The following RTCB variants were observed in gnomAD, a reference collection of about 807,000 sequenced individuals.
RTCB encodes the protein RNA 2',3'-cyclic phosphate and 5'-OH ligase.
RTCB carries 32 observed loss-of-function variants against 58.2 expected under a neutral mutation model. The observed-to-expected ratio is 0.55, with a 90% CI of 0.41 to 0.74. RTCB has a LOEUF of 0.74. RTCB is among the 30% of genes least tolerant of loss of function. The pLI is 0.00. For synonymous variants in RTCB, 247 were observed against 218.6 expected (o/e 1.13, Z -1.15); for missense variants, 523 against 639.0 (o/e 0.82, Z 1.96).
intron 9 of RTCB, 55 bp downstream of exon 9, chr22:32,394,971 C>A: frequency 6.9e-7 from 1 of 1,452,440 alleles, no homozygotes; most frequent in Non-Finnish European, 9.4e-7. Context: ...TTCACATTTG[C>A]AACAATCTAA....
chr22:32,394,936 T>C, intron 9 of RTCB, 90 bp downstream of exon 9: 3 of 1,140,362 alleles, frequency 2.6e-6, no homozygotes, highest in Non-Finnish European at 3.8e-6. Flanking sequence ...CTTTTCACAA[T>C]TGCTGCTTTT....
Position 32,395,228 on chromosome 22 carries a change from CA to C in RTCB, c.991-15del. On this transcript the variant is annotated splice_polypyrimidine_tract_variant and intron_variant, in intron 8 of 11. Transcript: ENST00000216038. ...CTTGGCGAAAGCCTAGGAGAAAACA[CA>C]GAAGATAAAAGCAGCCAGAACTTCA... 1 of 1,611,522 alleles carries C rather than the reference CA, an allele frequency of 6.2e-7. No homozygotes were observed.
Position 32,408,207 on chromosome 22 carries a change from C to T in RTCB, c.208G>A (p.Gly70Ser), listed in dbSNP as rs1449175119. ...GGFLPAMKQIGNVAALPGIVH... is the reference protein window; with the variant it reads ...GGFLPAMKQISNVAALPGIVH... ...ATTCCAGGCAGGGCTGCCACATTGC[C>T]AATCTGTTTCATGGCTGGCAGGAAG... Residue 70 changes from glycine to serine, a missense_variant, in exon 3 of 12, where the codon GGC (glycine) becomes AGC (serine). By Grantham distance (56) the Gly-to-Ser change is moderately conservative. Transcript: ENST00000216038. 16 of 1,614,102 alleles carry T rather than the reference C, an allele frequency of 9.9e-6. No homozygotes were observed. The highest frequency in any genetic ancestry group is 1.3e-5 in the Non-Finnish European group (15 of 1,179,992).
intron 4 of RTCB, among the ~76,000 whole-genome samples, chr22:32,402,992 GCC>G (rs1933362990): frequency 6.6e-6 from 1 of 152,028 alleles, no homozygotes; most frequent in Admixed American, 6.6e-5. Context: ...TGATCCTCCT[GCC>G]TCGGCCTCCC....
intron 5 of RTCB, among the ~76,000 whole-genome samples, chr22:32,401,380 C>A (rs1933333547): frequency 6.6e-6 from 1 of 152,028 alleles, no homozygotes; most frequent in African/African-American, 2.4e-5. Context: ...CCAACCACAC[C>A]TGGCACTAAG....
intron 5 of RTCB, among the ~76,000 whole-genome samples, chr22:32,400,158 C>CG: frequency 6.6e-6 from 1 of 152,188 alleles, no homozygotes; most frequent in East Asian, 1.9e-4. Flanking sequence ...CACTCTCTAA[C>CG]GACTAATTCA....
rs1601431824 is a variant in RTCB at position 32,408,038 on chromosome 22, C to T, written c.240+137G>A. 1.8e-5 allele frequency: 13 copies of T among 736,078 alleles called. No individual in the cohort carries two copies. The East Asian group carries it at 3.5e-4, about 20-fold the overall frequency. The allele number at this position is 736,078 out of a possible 1,614,324, so 45.6% of individuals were successfully genotyped here. A position where few individuals can be genotyped will look rare whatever the true frequency, so the allele number is the denominator to read the frequency against. ...TCAAAGTGTTGCGGGTGGCATGAGC[C>T]ACTGAGCCTGGCTTCATGGTTATGT... On this transcript the variant is annotated intron_variant, in intron 3 of 11. Coordinates refer to ENST00000216038, the MANE Select transcript of RTCB (RefSeq NM_014306.5).
Position 32,393,898 on chromosome 22 carries a change from A to G in RTCB, c.1284T>C (p.His428=). 6.2e-7 allele frequency: 1 copy of G among 1,611,198 alleles called. No homozygotes were observed. The highest frequency in any genetic ancestry group is 8.5e-7 in the Non-Finnish European group (1 of 1,177,322). The part of the protein sequence containing the change: ...GMTETFGTTC[H]GAGRALSRAK... ...AAGTTTCTGTTTTCCTTACCGCTCC[A>G]TGACAGGTTGTTCCAAAGGTCTCAG... Residue 428 remains histidine, a synonymous_variant, in exon 10 of 12, where the codon CAT becomes CAC. Coordinates refer to ENST00000216038, the MANE Select transcript of RTCB (RefSeq NM_014306.5).
At chr22:32,402,908 T>C (rs1933361739) in intron 4 of RTCB, among the ~76,000 whole-genome samples, 1 of 152,014 alleles carries the variant, frequency 6.6e-6, no homozygotes, top group African/African-American at 2.4e-5. Flanking sequence ...CCAGGCCTGA[T>C]TAACTTTTGT....
intron 11 of RTCB, 149 bp from the exon 12 acceptor site, chr22:32,388,248 A>G (rs56257111): frequency 0.013 from 7,449 of 583,462 alleles, 384 homozygotes; most frequent in African/African-American, 0.12. Context: ...TTTAAAAAAG[A>G]AGTAAGCCTG....
intron 6 of RTCB, among the ~76,000 whole-genome samples, chr22:32,399,200 G>A (rs1465162795): frequency 6.6e-6 from 1 of 152,150 alleles, no homozygotes; most frequent in Non-Finnish European, 1.5e-5. Flanking sequence ...GCACTGGCGT[G>A]ATCACAGCTC....
chr22:32,397,248 T>G (rs913595843), intron 7 of RTCB, among the ~76,000 whole-genome samples: 1 of 152,184 alleles, frequency 6.6e-6, no homozygotes, highest in African/African-American at 2.4e-5. Flanking sequence ...TCACACACCC[T>G]CCAAGCTATC....
chr22:32,407,953 C>T (rs1042042982), intron 3 of RTCB: 1 of 547,530 alleles, frequency 1.8e-6, no homozygotes, highest in Non-Finnish European at 3.3e-6. Flanking sequence ...CAGGGTCTTG[C>T]CATGTTGCCC....
intron 1 of RTCB, among the ~76,000 whole-genome samples, chr22:32,409,490 A>C (rs1209356917): frequency 6.6e-6 from 1 of 152,242 alleles, no homozygotes; most frequent in Non-Finnish European, 1.5e-5. Flanking sequence ...ATACTTATGT[A>C]ACACTAAAGA....
chr22:32,407,704 T>C (rs1933452442), intron 3 of RTCB, among the ~76,000 whole-genome samples: 1 of 152,224 alleles, frequency 6.6e-6, no homozygotes, highest in East Asian at 1.9e-4. Flanking sequence ...GCCAAATGCA[T>C]TCAGAAACTG....
intron 1 of RTCB, among the ~76,000 whole-genome samples, chr22:32,411,404 G>T (rs541242480): frequency 8.5e-5 from 13 of 152,292 alleles, no homozygotes; most frequent in South Asian, 8.3e-4. Flanking sequence ...GAGCCCTCAA[G>T]TCTCCATCTG....
intron 1 of RTCB, among the ~76,000 whole-genome samples, chr22:32,410,436 G>T (rs960428962): frequency 6.7e-6 from 1 of 150,216 alleles, no homozygotes; most frequent in Non-Finnish European, 1.5e-5. Context: ...GATTATCTGT[G>T]TGAAATTCAC....
Position 32,394,904 on chromosome 22 carries a change from C to T in RTCB, c.1179+122G>A, listed in dbSNP as rs1933218724. On this transcript the variant is annotated intron_variant, in intron 9 of 11. Transcript: ENST00000216038. Reference sequence around the variant, plus strand: ...TCAGAGAAGATTGGGAATCACTGTTCTCATGAGTGACAGAGTATTTTCTTT... The same window carrying T: ...TCAGAGAAGATTGGGAATCACTGTTTTCATGAGTGACAGAGTATTTTCTTT... The T allele has an allele frequency of 6.0e-6, 5 of 827,502 alleles. No individual in the cohort carries two copies. The South Asian group carries it at 7.3e-5, about 12-fold the overall frequency. 51.3% of individuals were successfully genotyped at this position (827,502 alleles called of 1,614,324 possible).
At chr22:32,392,570 G>A (rs546778942) in intron 10 of RTCB, 22 of 702,738 alleles carry the variant, frequency 3.1e-5, no homozygotes, top group Admixed American at 1.0e-4. Context: ...ATTCAGCAGC[G>A]CAGCGCAGTG....
Sources: gnomAD v4.1 joint callset for allele counts (sites outside exome capture counted in the v4.1 genomes callset) on GRCh38, gnomAD v4.1.1 for gene constraint, MANE v1.5 for transcripts, NCBI Gene and HGNC (gene_info 2026-07-23, HGNC 2026-07-21) for gene names.